Variants in ADAM19 observed in about 807,000 individuals in gnomAD.
ADAM19 encodes the protein disintegrin and metalloproteinase domain-containing protein 19.
ADAM19 carries 65 observed loss-of-function variants against 114.7 expected under a neutral mutation model. The observed-to-expected ratio is 0.57, with a 90% confidence interval of 0.46 to 0.70. The LOEUF (loss-of-function observed/expected upper bound fraction) is 0.70, where lower values mean the gene tolerates loss of function less well. Ranked by LOEUF, ADAM19 falls within the 30% of genes least tolerant of loss-of-function variation. ADAM19 has a pLI of 0.00. For missense variants in ADAM19, 1,063 were observed against 1,204.7 expected (o/e 0.88, Z 1.74); for synonymous variants, 466 against 460.5 (o/e 1.01, Z -0.15).
At chr5:157,505,368 A>C (rs2277027) in intron 11 of ADAM19, among the ~76,000 whole-genome samples, 63,593 of 151,876 alleles carry the variant, frequency 0.42, 14,427 homozygotes, top group African/African-American at 0.59. Flanking sequence ...GTGTCCTCAT[A>C]AAAAATTCAT....
intron 4 of ADAM19, among the ~76,000 whole-genome samples, chr5:157,535,116 C>A (rs150277622): frequency 5.3e-5 from 8 of 152,324 alleles, no homozygotes; most frequent in African/African-American, 9.6e-5. Context: ...CACAGCCCTG[C>A]GAGTCAGATA....
rs117833738 is a variant in ADAM19 at position 157,574,696 on chromosome 5, C to G, written c.94+907G>C. Among the ~76,000 whole-genome samples, 311 of 152,316 alleles carry G rather than the reference C, an allele frequency of 2.0e-3. 2 individuals carry two copies. Among genetic ancestry groups the G allele is most frequent in the Non-Finnish European group, 1.2e-3 (82 of 68,032 alleles). On this transcript the variant is annotated intron_variant, in intron 1 of 22. Transcript: ENST00000257527. ...AATGAGAGAACCCGGGCACCGCCCC[C>G]CGGGACCAAGCCTTCCGCGAAATCT...
In ADAM19 at chr5:157,478,444, T is replaced by C; in HGVS notation, c.*2505A>G. 2.0e-6 allele frequency: 1 copy of C among 499,650 alleles called. No individual in the cohort carries two copies. Among genetic ancestry groups the C allele is most frequent in the Non-Finnish European group, 2.6e-6 (1 of 386,050 alleles). 31.0% of individuals were successfully genotyped at this position (499,650 alleles called of 1,614,324 possible). A position where few individuals can be genotyped will look rare whatever the true frequency, so the allele number is the denominator to read the frequency against. On this transcript the variant is annotated 3_prime_UTR_variant, in exon 23 of 23. Coordinates refer to ENST00000257527, the MANE Select transcript of ADAM19 (RefSeq NM_033274.5). ...TCTTGCCATCGGTCGGTCTGAGCCT[T>C]TTCACTATTCCCATAAGGCCCCTTC... is the stretch of plus-strand genomic sequence containing the variant.
chr5:157,562,088 G>C (rs1166679622), intron 3 of ADAM19, among the ~76,000 whole-genome samples: 1 of 152,210 alleles, frequency 6.6e-6, no homozygotes, highest in East Asian at 1.9e-4. Context: ...CTCCAAAGCT[G>C]TTTTGAATCC....
In ADAM19 at chr5:157,496,974, G is replaced by A. The variant is rs774391030; in HGVS notation, c.1514C>T (p.Pro505Leu). 1 of 1,598,530 alleles carries A rather than the reference G, an allele frequency of 6.3e-7. No homozygotes were observed. Among genetic ancestry groups the A allele is most frequent in the Non-Finnish European group, 8.5e-7 (1 of 1,173,454 alleles). ...GCAGTAGGCCTGGCCGCCCTCACAGGGGGTACCATCCATCTGGTAGAAGTT... is the reference window on the plus strand; with the variant it reads ...GCAGTAGGCCTGGCCGCCCTCACAGAGGGTACCATCCATCTGGTAGAAGTT... ...PTNFYQMDGT[P>L]CEGGQAYCYN... Residue 505 changes from proline to leucine, a missense_variant, in exon 14 of 23, where the codon CCC becomes CTC. Pro to Leu is a moderately conservative substitution (Grantham distance 98). Transcript: ENST00000257527.
intron 5 of ADAM19, among the ~76,000 whole-genome samples, chr5:157,524,874 G>A (rs1316273556): frequency 1.3e-5 from 2 of 152,286 alleles, no homozygotes; most frequent in Non-Finnish European, 2.9e-5. Flanking sequence ...AACAGCTAAC[G>A]GTCATTGATT....
chr5:157,516,073 C>A (rs1361759093), intron 7 of ADAM19, among the ~76,000 whole-genome samples: 1 of 152,206 alleles, frequency 6.6e-6, no homozygotes, highest in African/African-American at 2.4e-5. Flanking sequence ...CAGCCCTCCC[C>A]TTTCCTGCCT....
At chr5:157,567,558 G>A (rs1176278798) in intron 2 of ADAM19, among the ~76,000 whole-genome samples, 1 of 152,166 alleles carries the variant, frequency 6.6e-6, no homozygotes, top group African/African-American at 2.4e-5. Flanking sequence ...AACACTTTGG[G>A]AGGCCAAGGT....
Position 157,480,121 on chromosome 5 carries a change from A to C in ADAM19, c.*828T>G. ...GGGTTTGCTCACCAAAGCACCACAC[A>C]TTAGAGGGAGAATGAGAGGGGAAGG... On this transcript the variant is annotated 3_prime_UTR_variant, in exon 23 of 23. Transcript: ENST00000257527. 2.0e-6 allele frequency: 2 copies of C among 985,976 alleles called. No homozygotes were observed. The highest frequency in any genetic ancestry group is 1.2e-6 in the Non-Finnish European group (1 of 830,002). The allele number at this position is 985,976 out of a possible 1,614,324, so 61.1% of individuals were successfully genotyped here. A position where few individuals can be genotyped will look rare whatever the true frequency, so the allele number is the denominator to read the frequency against.
intron 10 of ADAM19, among the ~76,000 whole-genome samples, chr5:157,506,796 G>C (rs537433390): frequency 6.6e-6 from 1 of 152,126 alleles, no homozygotes; most frequent in African/African-American, 2.4e-5. Flanking sequence ...GAACATATGA[G>C]ATCTAGTGAT....
intron 5 of ADAM19, among the ~76,000 whole-genome samples, chr5:157,524,895 C>T (rs2113747978): frequency 6.6e-6 from 1 of 152,344 alleles, no homozygotes; most frequent in South Asian, 2.1e-4. Context: ...GTGTATTATA[C>T]ATCAAGCAAA....
intron 12 of ADAM19, among the ~76,000 whole-genome samples, chr5:157,501,000 C>T (rs56168343): frequency 0.13 from 19,959 of 152,156 alleles, 1,599 homozygotes; most frequent in Middle Eastern, 0.2. Context: ...GTCAGGTCTG[C>T]CTGAGGCCTA....
intron 7 of ADAM19, among the ~76,000 whole-genome samples, chr5:157,515,190 A>G (rs1332888854): frequency 6.6e-6 from 1 of 152,154 alleles, no homozygotes; most frequent in Non-Finnish European, 1.5e-5. Context: ...TGTAACTTAG[A>G]CCTTTCCAAG....
At chr5:157,486,251 A>C (rs1031192542) in intron 21 of ADAM19, among the ~76,000 whole-genome samples, 28 of 152,190 alleles carry the variant, frequency 1.8e-4, no homozygotes, top group Admixed American at 1.8e-3. Context: ...GCAACCTCCA[A>C]GAGAAATGAG....
At chr5:157,535,179 G>A (rs1015988975) in intron 4 of ADAM19, among the ~76,000 whole-genome samples, 1 of 152,178 alleles carries the variant, frequency 6.6e-6, no homozygotes, top group African/African-American at 2.4e-5. Context: ...TGGTCAAGGG[G>A]GTTGTTTAAG....
chr5:157,554,347 T>C (rs542280397), intron 3 of ADAM19, among the ~76,000 whole-genome samples: 17 of 152,156 alleles, frequency 1.1e-4, no homozygotes, highest in Non-Finnish European at 2.2e-4. Flanking sequence ...GAAATAAGCT[T>C]GAGACAAAAG....
chr5:157,504,316 T>A (rs1329036714), intron 11 of ADAM19, among the ~76,000 whole-genome samples: 1 of 152,206 alleles, frequency 6.6e-6, no homozygotes, highest in East Asian at 1.9e-4. Flanking sequence ...AGTGGCACAA[T>A]CTTGGCTCAC....
chr5:157,570,941 A>G lies in ADAM19; in HGVS notation c.134T>C (p.Leu45Pro), dbSNP rs555125046. Residue 45 changes from leucine (L) to proline (P), a missense_variant, in exon 2 of 23, where the codon CTT becomes CCT. Transcript: ENST00000257527. ...TGAAGTCTTCCACTGAGGTATGATAAGTTCATGCTGCAGCTTGGGGCTGCC... is the reference window on the plus strand; with the variant it reads ...TGAAGTCTTCCACTGAGGTATGATAGGTTCATGCTGCAGCTTGGGGCTGCC... ...EEGSPKLQHE[L>P]IIPQWKTSES... is the part of the protein sequence containing the mutation. The G allele has an allele frequency of 1.9e-6, 3 of 1,614,162 alleles. No individual in the cohort carries two copies. Among genetic ancestry groups the G allele is most frequent in the Non-Finnish European group, 2.5e-6 (3 of 1,180,012 alleles).
At position 157,477,770 on chromosome 5, in the gene ADAM19, G is replaced by A. The variant is rs1181215688; in HGVS notation, c.*3179C>T. On this transcript the variant is annotated 3_prime_UTR_variant, in exon 23 of 23. Transcript: ENST00000257527. ...AAGAATAAATTAGGAAGTAGGCAGGGAGAGACTTCCAATAAAGATTGGAAA... is the reference window on the plus strand; with the variant it reads ...AAGAATAAATTAGGAAGTAGGCAGGAAGAGACTTCCAATAAAGATTGGAAA... 1.6e-6 allele frequency: 2 copies of A among 1,270,638 alleles called. No individual in the cohort carries two copies. Among genetic ancestry groups the A allele is most frequent in the Non-Finnish European group, 2.1e-6 (2 of 971,526 alleles). The allele number at this position is 1,270,638 out of a possible 1,614,324, so 78.7% of individuals were successfully genotyped here.
Sources: allele counts gnomAD v4.1 joint callset (sites outside exome capture counted in the v4.1 genomes callset), GRCh38; gene constraint gnomAD v4.1.1; transcripts MANE v1.5; gene names NCBI Gene and HGNC (gene_info 2026-07-23, HGNC 2026-07-21).